The following ZBBX variants were observed in gnomAD, a reference collection of about 807,000 sequenced individuals.
ZBBX encodes the protein zinc finger B-box domain-containing protein 1.
A neutral mutation model predicts 108.5 loss-of-function variants in ZBBX; 101 were observed. That is an observed-to-expected ratio of 0.93 (90% CI 0.79 to 1.10). The LOEUF is 1.10. Ranked by LOEUF, ZBBX falls within the 50% of genes least tolerant of loss-of-function variation. The probability of loss-of-function intolerance (pLI) is 0.00; values close to 1 mark genes in which losing one functional copy is unlikely to be tolerated. For synonymous variants in ZBBX, 356 were observed against 323.4 expected (o/e 1.10, Z -1.08); for missense variants, 1,009 against 941.4 (o/e 1.07, Z -0.94).
At chr3:167,330,862 G>GAAGAAGAAGAAGAAGA (rs1560135987) in intron 10 of ZBBX, among the ~76,000 whole-genome samples, 5 of 13,568 alleles carry the variant, frequency 3.7e-4, no homozygotes, top group Admixed American at 3.2e-3. Flanking sequence ...GGAGGAGGAG[G>GAAGAAGAAGAAGAAGA]AGGAGGAGGA....
intron 16 of ZBBX, among the ~76,000 whole-genome samples, chr3:167,306,741 T>G (rs1733715240): frequency 6.6e-6 from 1 of 152,140 alleles, no homozygotes; most frequent in African/African-American, 2.4e-5. Flanking sequence ...AAATAAAAAT[T>G]CTTTGAATGT....
At chr3:167,229,721 A>G in the ZBBX span, among the ~76,000 whole-genome samples, 4 of 151,830 alleles carry the variant, frequency 2.6e-5, no homozygotes, top group African/African-American at 9.7e-5. Context: ...TAATAAGAGT[A>G]TAAAAATTAC....
At chr3:167,199,199 G>A in the ZBBX span, among the ~76,000 whole-genome samples, 1 of 152,184 alleles carries the variant, frequency 6.6e-6, no homozygotes, top group Non-Finnish European at 1.5e-5. Flanking sequence ...GGACATGTGA[G>A]AGATTGTGAA....
intron 20 of ZBBX, among the ~76,000 whole-genome samples, chr3:167,262,698 T>C (rs1724763252): frequency 6.6e-6 from 1 of 152,230 alleles, no homozygotes; most frequent in South Asian, 2.1e-4. Context: ...CTTGGCAGGT[T>C]GTATATGCCT....
chr3:167,207,760 G>T, the ZBBX span, among the ~76,000 whole-genome samples: 2 of 152,080 alleles, frequency 1.3e-5, no homozygotes, highest in South Asian at 4.1e-4. Flanking sequence ...GGGGGAGCAA[G>T]GTAGCCAAAT....
intron 11 of ZBBX, among the ~76,000 whole-genome samples, chr3:167,327,271 A>G (rs201434816): frequency 6.9e-6 from 1 of 145,850 alleles, no homozygotes; most frequent in Non-Finnish European, 1.5e-5. Context: ...AAAAAAAAAA[A>G]TTCCTCTTTA....
chr3:167,196,594 A>G, the ZBBX span, among the ~76,000 whole-genome samples: 1 of 152,198 alleles, frequency 6.6e-6, no homozygotes, highest in Non-Finnish European at 1.5e-5. Flanking sequence ...GCCCAGACTT[A>G]TCAACTGTTA....
chr3:167,261,225 T>C (rs2108417887), intron 20 of ZBBX, among the ~76,000 whole-genome samples: 1 of 152,166 alleles, frequency 6.6e-6, no homozygotes, highest in Non-Finnish European at 1.5e-5. Context: ...CCTGTTCCAG[T>C]GGAGGTGGCG....
intron 15 of ZBBX, among the ~76,000 whole-genome samples, chr3:167,315,484 C>T (rs1297214139): frequency 6.6e-6 from 1 of 152,072 alleles, no homozygotes; most frequent in African/African-American, 2.4e-5. Context: ...ATAACAACCC[C>T]TAAGTTCAGA....
intron 20 of ZBBX, among the ~76,000 whole-genome samples, chr3:167,275,513 G>A (rs1727381671): frequency 6.6e-6 from 1 of 152,192 alleles, no homozygotes; most frequent in African/African-American, 2.4e-5. Context: ...AAAGAAAGGG[G>A]TGACAGACAG....
At position 167,261,152 on chromosome 3, in the gene ZBBX, G is replaced by A. The variant is rs904333751; in HGVS notation, c.2255-18509C>T. 2.7e-4 allele frequency among the ~76,000 whole-genome samples: 41 copies of A among 152,190 alleles called. 1 individual carries two copies. The highest frequency in any genetic ancestry group is 1.6e-4 in the Non-Finnish European group (11 of 68,040). ...ACCTGGCTCTGGACTGGTACTGGGT[G>A]TTGCCTGCCCAGCATCCTATGATGT... On this transcript the variant is annotated intron_variant, in intron 20 of 21. Transcript: ENST00000675490.
chr3:167,260,825 C>T (rs577908794), intron 20 of ZBBX, among the ~76,000 whole-genome samples: 4 of 152,240 alleles, frequency 2.6e-5, no homozygotes, highest in Non-Finnish European at 5.9e-5. Context: ...AATTCTTTTT[C>T]AGGTAAATCA....
chr3:167,202,976 T>C, the ZBBX span, among the ~76,000 whole-genome samples: 1 of 152,162 alleles, frequency 6.6e-6, no homozygotes, highest in East Asian at 1.9e-4. Flanking sequence ...CATAGTGTCA[T>C]ATTAGTTCAT....
chr3:167,377,726 A>G (rs1414939931), intron 2 of ZBBX, among the ~76,000 whole-genome samples: 1 of 152,106 alleles, frequency 6.6e-6, no homozygotes, highest in Non-Finnish European at 1.5e-5. Flanking sequence ...AACTGATAAT[A>G]CATGATTTCT....
At chr3:167,403,443 A>G (rs975687118) in intron 1 of ZBBX, among the ~76,000 whole-genome samples, 2 of 152,158 alleles carry the variant, frequency 1.3e-5, no homozygotes, top group Admixed American at 6.6e-5. Context: ...AACTTCTTCA[A>G]TCTGAAGAGA....
chr3:167,321,097 T>A (rs557937032), intron 12 of ZBBX, among the ~76,000 whole-genome samples: 1 of 152,024 alleles, frequency 6.6e-6, no homozygotes, highest in Non-Finnish European at 1.5e-5. Context: ...TTATGTAAGA[T>A]GTTACCATTA....
chr3:167,178,955 T>C, the ZBBX span, among the ~76,000 whole-genome samples: 1 of 152,180 alleles, frequency 6.6e-6, no homozygotes, highest in African/African-American at 2.4e-5. Context: ...TCCTTGAGAA[T>C]TATATGGGAT....
At chr3:167,400,158 G>A (rs1197134887) in intron 1 of ZBBX, among the ~76,000 whole-genome samples, 2 of 152,066 alleles carry the variant, frequency 1.3e-5, no homozygotes, top group African/African-American at 4.8e-5. Flanking sequence ...TAATGCTGCA[G>A]TGAACATACA....
At chr3:167,306,445 TC>T (rs1205298668) in intron 16 of ZBBX, among the ~76,000 whole-genome samples, 1 of 152,192 alleles carries the variant, frequency 6.6e-6, no homozygotes, top group African/African-American at 2.4e-5. Flanking sequence ...GACACCTGCT[TC>T]TAGAAAGCTA....
Sources: allele counts gnomAD v4.1 joint callset (sites outside exome capture counted in the v4.1 genomes callset), GRCh38; gene constraint gnomAD v4.1.1; transcripts MANE v1.5; gene names NCBI Gene and HGNC (gene_info 2026-07-23, HGNC 2026-07-21).